RXRA: variants seen among roughly 807,000 people sequenced by gnomAD.
RXRA encodes retinoic acid receptor RXR-alpha.
RXRA carries 5 observed loss-of-function variants against 44.5 expected under a neutral mutation model. That is an observed-to-expected ratio of 0.11 (90% CI 0.06 to 0.24). The LOEUF (loss-of-function observed/expected upper bound fraction) is 0.24. Ranked by LOEUF, RXRA falls within the 10% of genes least tolerant of loss-of-function variation. The probability of loss-of-function intolerance (pLI) is 1.00; values close to 1 mark genes in which losing one functional copy is unlikely to be tolerated. For synonymous variants in RXRA, 291 were observed against 271.4 expected, an observed-to-expected ratio of 1.07 and a Z score of -0.71; for missense variants, 412 against 646.5, an observed-to-expected ratio of 0.64 and a Z score of 3.93.
intron 6 of RXRA, chr9:134,425,129 T>G (rs1588305700): frequency 7.1e-6 from 7 of 985,292 alleles, no homozygotes; most frequent in Non-Finnish European, 8.4e-6. Context: ...TGGCTCGCGG[T>G]GACACTGAGT....
intron 1 of RXRA, among the ~76,000 whole-genome samples, chr9:134,383,316 G>A (rs1377993475): frequency 2.6e-5 from 4 of 152,174 alleles, no homozygotes; most frequent in African/African-American, 4.8e-5. Flanking sequence ...TGGGTGTGGC[G>A]GGCTGGGAGC....
At chr9:134,374,494 G>A (rs1034798497) in intron 1 of RXRA, among the ~76,000 whole-genome samples, 4 of 152,182 alleles carry the variant, frequency 2.6e-5, no homozygotes, top group Non-Finnish European at 4.4e-5. Flanking sequence ...CCTGGCTCTC[G>A]GCCCAGGGCC....
rs1263723453 is a variant in RXRA, at chr9:134,438,161, C to CGTA, written c.*1548_*1549insTAG. 2.6e-5 allele frequency: 4 copies of CGTA among 152,904 alleles called. No homozygotes were observed. Among genetic ancestry groups the CGTA allele is most frequent in the African/African-American group, 9.7e-5 (4 of 41,450 alleles). 9.5% of individuals were successfully genotyped at this position (152,904 alleles called of 1,614,324 possible). On this transcript the variant is annotated 3_prime_UTR_variant, in exon 10 of 10. Coordinates refer to ENST00000481739, the MANE Select transcript of RXRA (RefSeq NM_002957.6). ...AACAGAGGGTGGATGGGGGGGATACCGGAGGGGGTCTTGTCTTCCCAGCCG... is the reference window on the plus strand; with the variant it reads ...AACAGAGGGTGGATGGGGGGGATACCGTAGGAGGGGGTCTTGTCTTCCCAGCCG...
chr9:134,343,446 G>A lies in RXRA; in HGVS notation c.28+16787G>A, dbSNP rs1486841948. 2.6e-5 allele frequency among the ~76,000 whole-genome samples: 4 copies of A among 152,272 alleles called. No homozygotes were observed. Among genetic ancestry groups the A allele is most frequent in the African/African-American group, 7.2e-5 (3 of 41,548 alleles). On this transcript the variant is annotated intron_variant, in intron 1 of 9. Transcript: ENST00000481739. The surrounding 1 kb of genome is among the most constrained non-coding windows in gnomAD (Gnocchi z 4.1). ...CATCCTGCAGCCCCTGGAATAGGGG[G>A]CGCTCAGTGTAGGGCAAAGGAACGT... is the stretch of plus-strand genomic sequence containing the variant.
chr9:134,430,043 G>A (rs1416885759), intron 7 of RXRA, among the ~76,000 whole-genome samples: 1 of 152,162 alleles, frequency 6.6e-6, no homozygotes, highest in Non-Finnish European at 1.5e-5. Context: ...CCGCCACCAC[G>A]CCCGGCTATT....
intron 5 of RXRA, among the ~76,000 whole-genome samples, chr9:134,418,446 C>T (rs763943718): frequency 2.6e-5 from 4 of 152,258 alleles, no homozygotes; most frequent in Admixed American, 1.3e-4. Flanking sequence ...TTATACAGGC[C>T]GACCATGAGG....
chr9:134,365,514 G>A lies in RXRA; in HGVS notation c.29-36118G>A, dbSNP rs549733043. Reference sequence around the variant, plus strand: ...CCGCTGCCCCTGCCTCCTGTCTCTGGCTGTGGCCATGGCTGTGTGGACCAG... The same window carrying A: ...CCGCTGCCCCTGCCTCCTGTCTCTGACTGTGGCCATGGCTGTGTGGACCAG... On this transcript the variant is annotated intron_variant, in intron 1 of 9. Coordinates refer to ENST00000481739, the MANE Select transcript of RXRA (RefSeq NM_002957.6). This position sits in a 1 kb window ranked among gnomAD's most constrained non-coding sequence, Gnocchi z 4.0. Among the ~76,000 whole-genome samples the A allele has an allele frequency of 6.6e-6, 1 of 152,098 alleles. No homozygotes were observed. The highest frequency in any genetic ancestry group is 1.5e-5 in the Non-Finnish European group (1 of 68,008).
chr9:134,392,838 C>G (rs926669473), intron 1 of RXRA, among the ~76,000 whole-genome samples: 7 of 152,182 alleles, frequency 4.6e-5, no homozygotes, highest in Non-Finnish European at 8.8e-5. Context: ...GAGGTTTGTG[C>G]CAGTCGTGGG....
chr9:134,396,882 T>G (rs1290265733), intron 1 of RXRA, among the ~76,000 whole-genome samples: 1 of 152,194 alleles, frequency 6.6e-6, no homozygotes, highest in Non-Finnish European at 1.5e-5. Context: ...CCCTGCAGAT[T>G]CCAAAGGGAT....
In RXRA at chr9:134,347,352, A is replaced by G. The variant is rs146976642; in HGVS notation, c.28+20693A>G. Among the ~76,000 whole-genome samples the G allele has an allele frequency of 9.0e-3, 1,377 of 152,312 alleles. 8 individuals carry two copies. The highest frequency in any genetic ancestry group is 0.015 in the Non-Finnish European group (1,013 of 68,020). ...CCCTGCCGCGGTGTTGACCAAGATG[A>G]ATTGCGGGTGCTCGTGGTCAGCCTG... On this transcript the variant is annotated intron_variant, in intron 1 of 9. Coordinates refer to ENST00000481739, the MANE Select transcript of RXRA (RefSeq NM_002957.6).
At chr9:134,331,200 AG>A (rs1834999720) in intron 1 of RXRA, among the ~76,000 whole-genome samples, 1 of 152,146 alleles carries the variant, frequency 6.6e-6, no homozygotes. Context: ...AGGTGGGGCG[AG>A]GGACCGCGGT....
intron 1 of RXRA, among the ~76,000 whole-genome samples, chr9:134,336,922 C>A (rs552349768): frequency 3.9e-5 from 6 of 152,130 alleles, no homozygotes; most frequent in Non-Finnish European, 5.9e-5. Context: ...AGCTCGGTGT[C>A]GGTTTCTGGG....
intron 1 of RXRA, among the ~76,000 whole-genome samples, chr9:134,336,758 TCAG>T (rs1397380054): frequency 3.3e-5 from 5 of 152,200 alleles, no homozygotes; most frequent in Non-Finnish European, 5.9e-5. Context: ...ATTCATGTGG[TCAG>T]CCAACTGATC....
chr9:134,355,574 G>A (rs1830273366), intron 1 of RXRA, among the ~76,000 whole-genome samples: 1 of 152,176 alleles, frequency 6.6e-6, no homozygotes, highest in South Asian at 2.1e-4. Flanking sequence ...TACAGTGGAG[G>A]GGTGGGGCAG....
intron 8 of RXRA, 39 bp downstream of exon 8, chr9:134,432,035 C>T (rs750062358): frequency 9.1e-6 from 14 of 1,537,830 alleles, no homozygotes; most frequent in South Asian, 3.4e-5. Flanking sequence ...GCCCCGTTCT[C>T]TGGTGGGGCA....
chr9:134,381,340 T>C (rs534195342), intron 1 of RXRA, among the ~76,000 whole-genome samples: 419 of 152,130 alleles, frequency 2.8e-3, no homozygotes, highest in African/African-American at 9.4e-3. Context: ...GCTCAGACCT[T>C]AGCTAGTGCT....
At chr9:134,400,989 G>A (rs1830950131) in intron 1 of RXRA, among the ~76,000 whole-genome samples, 1 of 152,218 alleles carries the variant, frequency 6.6e-6, no homozygotes, top group African/African-American at 2.4e-5. Flanking sequence ...TGGCCTGCTG[G>A]TTAGGGCCAC....
At chr9:134,377,640 C>CT (rs1472344506) in intron 1 of RXRA, among the ~76,000 whole-genome samples, 2 of 152,232 alleles carry the variant, frequency 1.3e-5, no homozygotes, top group Admixed American at 1.3e-4. Flanking sequence ...TCTTGTTGGC[C>CT]TTTATGAAAA....
At chr9:134,367,260 C>T (rs1830425949) in intron 1 of RXRA, among the ~76,000 whole-genome samples, 1 of 152,158 alleles carries the variant, frequency 6.6e-6, no homozygotes, top group Non-Finnish European at 1.5e-5. Flanking sequence ...CCTGGTCTGG[C>T]GTTTGTGATC....
Sources: allele counts gnomAD v4.1 joint callset (sites outside exome capture counted in the v4.1 genomes callset), GRCh38; gene constraint gnomAD v4.1.1; non-coding constraint Gnocchi (gnomAD v3.1); transcripts MANE v1.5; gene names NCBI Gene and HGNC (gene_info 2026-07-23, HGNC 2026-07-21).